The following KALRN variants were observed in gnomAD, a reference collection of about 807,000 sequenced individuals.
KALRN encodes kalirin.
A neutral mutation model predicts 353.7 loss-of-function variants in KALRN; 70 were observed. The ratio of observed to expected loss-of-function variants is 0.20; its 90% CI spans 0.16 to 0.24. The LOEUF (loss-of-function observed/expected upper bound fraction) is 0.24. Among genes scored for constraint, KALRN ranks in the 10% least tolerant of loss-of-function variants. KALRN has a pLI of 1.00. For missense variants in KALRN, 2,791 were observed against 3,756.7 expected (o/e 0.74, Z 6.72); for synonymous variants, 1,391 against 1,434.8 (o/e 0.97, Z 0.69).
Position 124,667,077 on chromosome 3 carries a change from A to C in KALRN, c.6597A>C (p.Arg2199Ser). Reference sequence around the variant, plus strand: ...CCTGCAAGTTTGCACTCATGAACAGAGAGACTTCTGAGAGGGTTGTTCTGC... The same window carrying C: ...CCTGCAAGTTTGCACTCATGAACAGCGAGACTTCTGAGAGGGTTGTTCTGC... The part of the protein sequence containing the change: ...NDPCKFALMN[R>S]ETSERVVLQA... Residue 2199 changes from arginine (R) to serine (S), a missense_variant, in exon 47 of 60, where the codon AGA becomes AGC. Coordinates refer to ENST00000682506, the MANE Select transcript of KALRN (RefSeq NM_001388419.1). The C allele has an allele frequency of 1.2e-6, 2 of 1,614,220 alleles. No individual in the cohort carries two copies. Among genetic ancestry groups the C allele is most frequent in the Non-Finnish European group, 1.7e-6 (2 of 1,180,022 alleles).
chr3:124,387,634 A>G (rs1050102436), intron 11 of KALRN, among the ~76,000 whole-genome samples: 4 of 151,830 alleles, frequency 2.6e-5, no homozygotes, highest in African/African-American at 4.8e-5. Context: ...TTTTTTTTCC[A>G]TCAGAGAATT....
intron 9 of KALRN, among the ~76,000 whole-genome samples, chr3:124,342,150 C>CTTTA (rs6148051): frequency 0.075 from 11,249 of 150,680 alleles, 1,232 homozygotes; most frequent in African/African-American, 0.25. Context: ...GAGGGTATGC[C>CTTTA]TTTATTTATT....
intron 10 of KALRN, among the ~76,000 whole-genome samples, chr3:124,383,582 AT>A (rs200759597): frequency 1.5e-3 from 231 of 151,194 alleles, no homozygotes; most frequent in Non-Finnish European, 2.3e-3. Context: ...TTCACATGGC[AT>A]TTTTTTTTAA....
intron 1 of KALRN, among the ~76,000 whole-genome samples, chr3:124,150,980 G>A (rs1321408912): frequency 6.6e-6 from 1 of 152,136 alleles, no homozygotes; most frequent in Non-Finnish European, 1.5e-5. Flanking sequence ...ACTGTTTTGT[G>A]TCTGTCCTCT....
At chr3:124,091,097 C>A (rs1455757624) in intron 1 of KALRN, among the ~76,000 whole-genome samples, 1 of 152,228 alleles carries the variant, frequency 6.6e-6, no homozygotes, top group Non-Finnish European at 1.5e-5. Flanking sequence ...GGTTCCACTC[C>A]ACCACTTGGG....
intron 3 of KALRN, among the ~76,000 whole-genome samples, chr3:124,263,257 C>T (rs1050347412): frequency 1.5e-4 from 23 of 152,216 alleles, no homozygotes; most frequent in Non-Finnish European, 2.8e-4. Context: ...CCTCCCCCAT[C>T]GTCCCTCAAC....
chr3:124,622,753 G>A (rs2079423766), intron 34 of KALRN, among the ~76,000 whole-genome samples: 1 of 152,210 alleles, frequency 6.6e-6, no homozygotes, highest in South Asian at 2.1e-4. Context: ...GGGGTCAGTA[G>A]AAACAAGGCT....
At chr3:124,237,182 A>G (rs1340948046) in intron 3 of KALRN, among the ~76,000 whole-genome samples, 1 of 152,220 alleles carries the variant, frequency 6.6e-6, no homozygotes, top group Non-Finnish European at 1.5e-5. Flanking sequence ...CTTTGTAGCC[A>G]TGGCTTTGGA....
chr3:124,552,344 C>G (rs2070648939), intron 33 of KALRN, among the ~76,000 whole-genome samples: 1 of 152,242 alleles, frequency 6.6e-6, no homozygotes, highest in Non-Finnish European at 1.5e-5. Context: ...TCCTGGCAGA[C>G]AGGCTGCCCG....
At chr3:124,532,097 T>C (rs1205790296) in intron 33 of KALRN, among the ~76,000 whole-genome samples, 1 of 152,186 alleles carries the variant, frequency 6.6e-6, no homozygotes, top group East Asian at 1.9e-4. Flanking sequence ...GAGTTCTCTA[T>C]TGGCATCTGG....
At chr3:124,588,505 A>G (rs916235378) in intron 34 of KALRN, among the ~76,000 whole-genome samples, 2 of 152,108 alleles carry the variant, frequency 1.3e-5, no homozygotes, top group African/African-American at 4.8e-5. Flanking sequence ...GCTCACTGCA[A>G]CCTCTGCCTC....
chr3:124,651,075 C>A, intron 38 of KALRN, 137 bp downstream of exon 38: 1 of 1,013,054 alleles, frequency 9.9e-7, no homozygotes, highest in Non-Finnish European at 1.4e-6. Flanking sequence ...CAGATCTGTA[C>A]AGCATAGCAC....
At chr3:124,226,964 C>A (rs942262387) in intron 1 of KALRN, among the ~76,000 whole-genome samples, 1 of 152,132 alleles carries the variant, frequency 6.6e-6, no homozygotes, top group African/African-American at 2.4e-5. Flanking sequence ...ATAACAGAGA[C>A]CCCAGTTATA....
At chr3:124,637,175 T>C in intron 36 of KALRN, 33 bp from the exon 37 acceptor site, 1 of 1,525,544 alleles carries the variant, frequency 6.6e-7, no homozygotes, top group Non-Finnish European at 9.1e-7. Context: ...TCTTTGCTAA[T>C]CTGCTTTTCC....
At chr3:124,709,147 G>C (rs2062774795) in intron 57 of KALRN, among the ~76,000 whole-genome samples, 1 of 151,944 alleles carries the variant, frequency 6.6e-6, no homozygotes, top group Non-Finnish European at 1.5e-5. Context: ...AAACTATATA[G>C]CAAAAGACTT....
chr3:124,557,225 A>G (rs1242590041), intron 33 of KALRN, among the ~76,000 whole-genome samples: 1 of 152,072 alleles, frequency 6.6e-6, no homozygotes, highest in East Asian at 1.9e-4. Context: ...ACCCTCATCC[A>G]CTTCCCACTG....
At chr3:124,561,912 G>C (rs1021877451) in intron 33 of KALRN, among the ~76,000 whole-genome samples, 1 of 152,194 alleles carries the variant, frequency 6.6e-6, no homozygotes, top group Non-Finnish European at 1.5e-5. Flanking sequence ...ATGGAAATAT[G>C]AAGCCAGAAG....
At chr3:124,245,534 T>G (rs1353480485) in intron 3 of KALRN, among the ~76,000 whole-genome samples, 1 of 139,826 alleles carries the variant, frequency 7.2e-6, no homozygotes, top group Non-Finnish European at 1.5e-5. Context: ...ATACGGTAAT[T>G]TTATATTTAT....
intron 6 of KALRN, among the ~76,000 whole-genome samples, chr3:124,299,720 G>C (rs754479291): frequency 6.6e-5 from 10 of 152,190 alleles, no homozygotes; most frequent in Non-Finnish European, 1.5e-4. Flanking sequence ...CTGGCACATA[G>C]TAAGTCATCA....
Sources: gnomAD v4.1 joint callset for allele counts (sites outside exome capture counted in the v4.1 genomes callset) on GRCh38, gnomAD v4.1.1 for gene constraint, MANE v1.5 for transcripts, NCBI Gene and HGNC (gene_info 2026-07-23, HGNC 2026-07-21) for gene names.